Variants in GALNTL6 observed in about 807,000 individuals in gnomAD.
GALNTL6 encodes polypeptide N-acetylgalactosaminyltransferase like 6, also known as polypeptide N-acetylgalactosaminyltransferase-like 6.
Under a neutral mutation model 73.7 loss-of-function variants are expected in GALNTL6, and 46 were observed. That is an observed-to-expected ratio of 0.62 (90% CI 0.49 to 0.80). The LOEUF is 0.80. Ranked by LOEUF, GALNTL6 falls within the 30% of genes least tolerant of loss-of-function variation. The probability of loss-of-function intolerance (pLI) is 0.00; values close to 1 mark genes in which losing one functional copy is unlikely to be tolerated. For synonymous variants in GALNTL6, 259 were observed against 263.7 expected (o/e 0.98, Z 0.17); for missense variants, 604 against 755.0 (o/e 0.80, Z 2.34).
intron 5 of GALNTL6, among the ~76,000 whole-genome samples, chr4:172,539,900 TATATATA>T (rs979828006): frequency 3.2e-4 from 43 of 136,422 alleles, no homozygotes; most frequent in African/African-American, 1.2e-3. Context: ...TATATATATA[TATATATA>T]AAAAATCTCA....
chr4:172,301,186 C>T (rs889623562), intron 3 of GALNTL6, among the ~76,000 whole-genome samples: 8 of 152,194 alleles, frequency 5.3e-5, no homozygotes, highest in African/African-American at 1.2e-4. Flanking sequence ...GCATTCGTCA[C>T]GTAGTTCTTG....
At chr4:172,465,468 A>C (rs1732778083) in intron 5 of GALNTL6, among the ~76,000 whole-genome samples, 1 of 151,950 alleles carries the variant, frequency 6.6e-6, no homozygotes, top group African/African-American at 2.4e-5. Flanking sequence ...CAGAGCGAGA[A>C]TCCGTCTCAA....
In GALNTL6 at chr4:172,108,811, A is replaced by T. The variant is rs190761798; in HGVS notation, c.139-120845A>T. Among the ~76,000 whole-genome samples the T allele has an allele frequency of 5.1e-3, 783 of 152,128 alleles. 2 individuals are homozygous for T. Among genetic ancestry groups the T allele is most frequent in the Admixed American group, 0.01 (154 of 15,266 alleles). On this transcript the variant is annotated intron_variant, in intron 2 of 12. Coordinates refer to ENST00000506823, the MANE Select transcript of GALNTL6 (RefSeq NM_001034845.3). ...CGGAACACCTGAGGTCAGGAGTTTG[A>T]GACCAGCTTGACCAACATTGTGAAA...
intron 2 of GALNTL6, among the ~76,000 whole-genome samples, chr4:171,935,692 T>C (rs756111614): frequency 3.9e-5 from 6 of 152,256 alleles, no homozygotes; most frequent in South Asian, 2.1e-4. Flanking sequence ...GCTTCTATAT[T>C]TTTGATAACA....
At chr4:172,829,953 A>T (rs1017881168) in intron 7 of GALNTL6, among the ~76,000 whole-genome samples, 2 of 152,250 alleles carry the variant, frequency 1.3e-5, no homozygotes, top group Non-Finnish European at 2.9e-5. Flanking sequence ...GAAGATTGAA[A>T]TAACTCTTTG....
At chr4:172,193,942 C>T (rs765113363) in intron 2 of GALNTL6, among the ~76,000 whole-genome samples, 12 of 152,108 alleles carry the variant, frequency 7.9e-5, no homozygotes, top group South Asian at 4.1e-4. Flanking sequence ...TCCAAATGAT[C>T]GCAATACCTG....
chr4:172,079,220 GTT>G (rs35946515), intron 2 of GALNTL6, among the ~76,000 whole-genome samples: 2 of 151,466 alleles, frequency 1.3e-5, no homozygotes, highest in African/African-American at 4.9e-5. Context: ...TATGTCATAG[GTT>G]TTTTTTGTCA....
intron 2 of GALNTL6, among the ~76,000 whole-genome samples, chr4:171,903,923 A>C (rs1737190411): frequency 6.6e-6 from 1 of 152,196 alleles, no homozygotes; most frequent in East Asian, 1.9e-4. Flanking sequence ...ACAGACCTGC[A>C]GCTGAGGGTC....
chr4:172,291,707 AT>A (rs1197379001), intron 3 of GALNTL6, among the ~76,000 whole-genome samples: 2 of 151,954 alleles, frequency 1.3e-5, no homozygotes, highest in African/African-American at 4.8e-5. Flanking sequence ...TTCAGGCCAT[AT>A]CACGCTTATC....
chr4:172,069,522 G>GTATGACACTTATATGTTATA lies in GALNTL6; in HGVS notation c.139-160131_139-160130insGACACTTATATGTTATATAT, dbSNP rs1731461334. On this transcript the variant is annotated intron_variant, in intron 2 of 12. Transcript: ENST00000506823. ...TATGTATAACACATATATGTTATATGTATAACACATATATTATATATAACA... is the reference window on the plus strand; with the variant it reads ...TATGTATAACACATATATGTTATATGTATGACACTTATATGTTATATATAACACATATATTATATATAACA... 3.6e-5 allele frequency among the ~76,000 whole-genome samples: 2 copies of GTATGACACTTATATGTTATA among 56,032 alleles called. 1 individual carries two copies. Among genetic ancestry groups the GTATGACACTTATATGTTATA allele is most frequent in the Non-Finnish European group, 6.5e-5 (2 of 30,630 alleles). The allele number at this position is 56,032 out of a possible 152,430, so 36.8% of individuals were successfully genotyped here. A position where few individuals can be genotyped will look rare whatever the true frequency, so the allele number is the denominator to read the frequency against.
At chr4:171,903,838 T>C (rs1479510237) in intron 2 of GALNTL6, among the ~76,000 whole-genome samples, 1 of 152,118 alleles carries the variant, frequency 6.6e-6, no homozygotes, top group Non-Finnish European at 1.5e-5. Context: ...CCCTGACCCC[T>C]GACCCCTGAG....
intron 5 of GALNTL6, among the ~76,000 whole-genome samples, chr4:172,590,199 C>G (rs1737579404): frequency 6.6e-6 from 1 of 152,086 alleles, no homozygotes; most frequent in Admixed American, 6.6e-5. Flanking sequence ...CCATGTGTTG[C>G]TTTGTAATAA....
intron 2 of GALNTL6, among the ~76,000 whole-genome samples, chr4:172,076,909 G>T (rs1317068621): frequency 6.6e-6 from 1 of 152,206 alleles, no homozygotes; most frequent in African/African-American, 2.4e-5. Context: ...ATTTGATTAT[G>T]AGGGCAAATT....
intron 2 of GALNTL6, among the ~76,000 whole-genome samples, chr4:171,836,162 C>T (rs1434478939): frequency 2.6e-5 from 4 of 152,044 alleles, no homozygotes; most frequent in African/African-American, 7.2e-5. Flanking sequence ...AATTTGATAT[C>T]AGACCCTCAA....
At chr4:172,487,295 C>CTTCTTTCCTTCTTTCTTTCT (rs1554029530) in intron 5 of GALNTL6, among the ~76,000 whole-genome samples, 40 of 81,512 alleles carry the variant, frequency 4.9e-4, no homozygotes, top group South Asian at 1.0e-3. Context: ...TCCTTCTTTC[C>CTTCTTTCCTTCTTTCTTTCT]TTCTGTCTTT....
At chr4:172,205,153 A>G (rs528209651) in intron 2 of GALNTL6, among the ~76,000 whole-genome samples, 7 of 152,338 alleles carry the variant, frequency 4.6e-5, no homozygotes, top group African/African-American at 9.6e-5. Context: ...AATCACACAC[A>G]TTATATTCAT....
intron 5 of GALNTL6, among the ~76,000 whole-genome samples, chr4:172,752,763 G>T (rs778927779): frequency 6.6e-6 from 1 of 152,036 alleles, no homozygotes; most frequent in Non-Finnish European, 1.5e-5. Context: ...TTATAAAACT[G>T]TGTATCCATG....
chr4:171,910,151 AC>A (rs1399443088), intron 2 of GALNTL6, among the ~76,000 whole-genome samples: 2 of 152,146 alleles, frequency 1.3e-5, no homozygotes, highest in African/African-American at 2.4e-5. Flanking sequence ...CTTTGCTCCA[AC>A]CAAAAACAAA....
rs114616997 is a variant in GALNTL6, at chr4:171,871,860, C to T, written c.138+57142C>T. On this transcript the variant is annotated intron_variant, in intron 2 of 12. Transcript: ENST00000506823. Reference sequence around the variant, plus strand: ...CCTTCAAAAGAGCTCTACAAGTTACCTGTTTTCTTATTAAGCTAAAAGAGT... The same window carrying T: ...CCTTCAAAAGAGCTCTACAAGTTACTTGTTTTCTTATTAAGCTAAAAGAGT... Among the ~76,000 whole-genome samples the T allele has an allele frequency of 3.8e-3, 583 of 152,204 alleles. 7 individuals are homozygous for T. The highest frequency in any genetic ancestry group is 0.013 in the African/African-American group (550 of 41,534).
Sources: gnomAD v4.1 joint callset for allele counts (sites outside exome capture counted in the v4.1 genomes callset) on GRCh38, gnomAD v4.1.1 for gene constraint, MANE v1.5 for transcripts, NCBI Gene and HGNC (gene_info 2026-07-23, HGNC 2026-07-21) for gene names.